Variants in ASAH2 observed in about 807,000 individuals in gnomAD.
The protein encoded by ASAH2 is N-acylsphingosine amidohydrolase 2, also known as neutral ceramidase.
A neutral mutation model predicts 82.9 loss-of-function variants in ASAH2; 58 were observed. The ratio of observed to expected loss-of-function variants is 0.70; its 90% CI spans 0.57 to 0.87. The LOEUF is 0.87. Among genes scored for constraint, ASAH2 ranks in the 40% least tolerant of loss-of-function variants. The pLI, the probability that ASAH2 is intolerant of heterozygous loss-of-function variation, is 0.00. For synonymous variants in ASAH2, 276 were observed against 289.7 expected (o/e 0.95, Z 0.48); for missense variants, 779 against 834.0 (o/e 0.93, Z 0.81).
At chr10:50,222,851 AT>A (rs1845782915) in intron 7 of ASAH2, among the ~76,000 whole-genome samples, 1 of 152,186 alleles carries the variant, frequency 6.6e-6, no homozygotes, top group Non-Finnish European at 1.5e-5. Flanking sequence ...CTTATATTTT[AT>A]TTTATCTGGC....
intron 12 of ASAH2, among the ~76,000 whole-genome samples, chr10:50,209,832 A>G (rs185986219): frequency 6.6e-6 from 1 of 152,288 alleles, no homozygotes; most frequent in African/African-American, 2.4e-5. Context: ...CAAAACCACA[A>G]TGAGATATCC....
chr10:50,248,229 A>G (rs1305826686), intron 2 of ASAH2, among the ~76,000 whole-genome samples: 2 of 152,234 alleles, frequency 1.3e-5, no homozygotes, highest in Non-Finnish European at 2.9e-5. Context: ...CTGTGCTTAG[A>G]TCAATGGAAA....
intron 7 of ASAH2, among the ~76,000 whole-genome samples, chr10:50,224,717 T>C (rs1845836104): frequency 6.6e-6 from 1 of 152,166 alleles, no homozygotes; most frequent in African/African-American, 2.4e-5. Flanking sequence ...CATTCTATCT[T>C]GTGTGGCACT....
chr10:50,228,669 C>T (rs1845950549), intron 7 of ASAH2, among the ~76,000 whole-genome samples: 1 of 151,804 alleles, frequency 6.6e-6, no homozygotes, highest in Non-Finnish European at 1.5e-5. Flanking sequence ...TAAAAATATG[C>T]CTTTAAAGGG....
intron 2 of ASAH2, among the ~76,000 whole-genome samples, chr10:50,247,353 C>T (rs1846489397): frequency 1.3e-5 from 2 of 150,970 alleles, no homozygotes; most frequent in Admixed American, 6.6e-5. Flanking sequence ...TTAGCAGAGA[C>T]AGGGTTTTGC....
chr10:50,198,786 GA>G (rs1564833555), intron 17 of ASAH2, among the ~76,000 whole-genome samples: 3 of 151,964 alleles, frequency 2.0e-5, no homozygotes. Context: ...AAAATAGTGA[GA>G]AAATATATAT....
At chr10:50,193,359 G>C (rs1714761546) in intron 18 of ASAH2, among the ~76,000 whole-genome samples, 1 of 151,148 alleles carries the variant, frequency 6.6e-6, no homozygotes, top group Non-Finnish European at 1.5e-5. Context: ...TATGGAGCTG[G>C]GTGTCCACAA....
intron 18 of ASAH2, among the ~76,000 whole-genome samples, chr10:50,195,948 T>C (rs1844966876): frequency 6.6e-6 from 1 of 151,836 alleles, no homozygotes; most frequent in African/African-American, 2.4e-5. Context: ...TAAAATTTCA[T>C]TTAGACAGAG....
intron 18 of ASAH2, among the ~76,000 whole-genome samples, chr10:50,194,648 G>C (rs1483708031): frequency 1.3e-5 from 2 of 150,936 alleles, no homozygotes; most frequent in African/African-American, 4.9e-5. Flanking sequence ...CACACAACCT[G>C]ACTTCAAAAT....
intron 9 of ASAH2, 56 bp downstream of exon 9, chr10:50,214,687 A>C: frequency 6.3e-7 from 1 of 1,599,682 alleles, no homozygotes. Flanking sequence ...AAATATTCAA[A>C]CATAAAATGT....
chr10:50,198,759 T>C (rs1845060636), intron 17 of ASAH2, among the ~76,000 whole-genome samples: 2 of 151,974 alleles, frequency 1.3e-5, no homozygotes, highest in African/African-American at 4.8e-5. Flanking sequence ...TCTCCTTAAT[T>C]TCACATGATG....
intron 2 of ASAH2, among the ~76,000 whole-genome samples, chr10:50,246,865 G>A (rs79505968): frequency 2.0e-5 from 3 of 152,154 alleles, no homozygotes; most frequent in Admixed American, 6.5e-5. Flanking sequence ...GCCAACTAAA[G>A]CCAAACCTAA....
At position 50,202,811 on chromosome 10, in the gene ASAH2, G is replaced by T. The variant is rs1274353989; in HGVS notation, c.1761+18C>A. The T allele has an allele frequency of 1.3e-6, 2 of 1,530,256 alleles. No homozygotes were observed. The highest frequency in any genetic ancestry group is 2.7e-5 in the African/African-American group (2 of 73,054). The allele number at this position is 1,530,256 out of a possible 1,614,324, so 94.8% of individuals were successfully genotyped here. A position where few individuals can be genotyped will look rare whatever the true frequency, so the allele number is the denominator to read the frequency against. On this transcript the variant is annotated intron_variant, in intron 16 of 20. Coordinates refer to ENST00000682911, the MANE Select transcript of ASAH2 (RefSeq NM_019893.4). The stretch of plus-strand genomic sequence containing the variant: ...CTGGGGTATAATTCATTTAAATGAT[G>T]AAAACGTTTTGCTTTACCTGGTATT...
At chr10:50,205,763 T>A (rs1845276216) in intron 13 of ASAH2, among the ~76,000 whole-genome samples, 1 of 151,998 alleles carries the variant, frequency 6.6e-6, no homozygotes, top group Non-Finnish European at 1.5e-5. Context: ...ATTGTTGTAT[T>A]TATTAATCAT....
chr10:50,245,383 A>G lies in ASAH2; in HGVS notation c.199T>C (p.Ser67Pro). 1 of 1,613,800 alleles carries G rather than the reference A, an allele frequency of 6.2e-7. No homozygotes were observed. The highest frequency in any genetic ancestry group is 8.5e-7 in the Non-Finnish European group (1 of 1,179,902). ...ATQGSTAAQR[S>P]TATQHSTATQ... is the part of the protein sequence containing the mutation. Reference sequence around the variant, plus strand: ...GCTGTGGAATGCTGGGTGGCTGTGGAGCGTTGGGCAGCTGTGGAGCCCTGG... The same window carrying G: ...GCTGTGGAATGCTGGGTGGCTGTGGGGCGTTGGGCAGCTGTGGAGCCCTGG... Residue 67 changes from serine (S) to proline (P), a missense_variant, in exon 3 of 21, where the codon TCC (serine) becomes CCC (proline). Ser to Pro is a moderately conservative substitution (Grantham distance 74). Transcript: ENST00000682911.
intron 9 of ASAH2, among the ~76,000 whole-genome samples, chr10:50,214,315 A>T (rs1845541022): frequency 6.6e-6 from 1 of 152,044 alleles, no homozygotes; most frequent in African/African-American, 2.4e-5. Context: ...TTTTACAGCA[A>T]TTTTTTTGCT....
Position 50,207,634 on chromosome 10 carries a change from A to T in ASAH2, c.1415-1537T>A, listed in dbSNP as rs1264701034. Among the ~76,000 whole-genome samples, 245 of 11,756 alleles carry T rather than the reference A, an allele frequency of 0.021. 3 individuals carry two copies. The East Asian group carries it at 0.23, about 11-fold the overall frequency. The allele number at this position is 11,756 out of a possible 152,430, so 7.7% of individuals were successfully genotyped here. On this transcript the variant is annotated intron_variant, in intron 12 of 20. Transcript: ENST00000682911. ...TGACTCAAGAAGAAATAGGCAATCT[A>T]AAAAAAAAAAACTATAAAAAGTAAA...
chr10:50,235,900 A>G lies in ASAH2; in HGVS notation c.675T>C (p.Thr225=), dbSNP rs1846147043. The change falls in exon 5 of 21, where the codon ACT becomes ACC. Residue 225 remains threonine, a synonymous_variant. Coordinates refer to ENST00000682911, the MANE Select transcript of ASAH2 (RefSeq NM_019893.4). Reference sequence around the variant, plus strand: ...GCTCTTTGCCTACCTTCAAGATACCAGTGACCATGTGCTGAAAAGTTTGAT... The same window carrying G: ...GCTCTTTGCCTACCTTCAAGATACCGGTGACCATGTGCTGAAAAGTTTGAT... ...FSNQTFQHMV[T]GILKSIDIAH... 6.2e-7 allele frequency: 1 copy of G among 1,613,246 alleles called. No homozygotes were observed. Among genetic ancestry groups the G allele is most frequent in the African/African-American group, 1.3e-5 (1 of 74,986 alleles).
At chr10:50,239,828 ATTTT>A (rs1208518684) in intron 4 of ASAH2, among the ~76,000 whole-genome samples, 41 of 120,656 alleles carry the variant, frequency 3.4e-4, no homozygotes, top group East Asian at 1.4e-3. Context: ...CTCACATTTA[ATTTT>A]TTTTTTTTTT....
Sources: gnomAD v4.1 joint callset for allele counts (sites outside exome capture counted in the v4.1 genomes callset) on GRCh38, gnomAD v4.1.1 for gene constraint, MANE v1.5 for transcripts, NCBI Gene and HGNC (gene_info 2026-07-23, HGNC 2026-07-21) for gene names.